CLCA1: variants seen among roughly 807,000 people sequenced by gnomAD.
CLCA1 encodes calcium-activated chloride channel regulator 1.
Under a neutral mutation model 85.6 loss-of-function variants are expected in CLCA1, and 59 were observed. That is an observed-to-expected ratio of 0.69 (90% CI 0.56 to 0.86). CLCA1 has a LOEUF of 0.86. Ranked by LOEUF, CLCA1 falls within the 40% of genes least tolerant of loss-of-function variation. The probability of loss-of-function intolerance (pLI) is 0.00; values close to 1 mark genes in which losing one functional copy is unlikely to be tolerated. For missense variants in CLCA1, 1,022 were observed against 1,101.4 expected, an observed-to-expected ratio of 0.93 and a Z score of 1.02; for synonymous variants, 396 against 398.3, an observed-to-expected ratio of 0.99 and a Z score of 0.07.
At chr1:86,495,430 A>G in intron 11 of CLCA1, 75 bp from the exon 12 acceptor site, 1 of 1,214,744 alleles carries the variant, frequency 8.2e-7, no homozygotes, top group South Asian at 1.5e-5. Flanking sequence ...GAAAATTCAT[A>G]GCCTACATAT....
Position 86,486,605 on chromosome 1 carries a change from G to C in CLCA1, c.1034G>C (p.Gly345Ala). ...LQTVELGSWV[G>A]MVTFDSAAHV... ...ACAGTTGAGCTGGGGTCCTGGGTTG[G>C]GATGGTGACATTTGACAGTGCTGCC... is the stretch of plus-strand genomic sequence containing the variant. The change falls in exon 7 of 14, where the codon GGG (glycine) becomes GCG (alanine). Residue 345 changes from glycine (G) to alanine (A), a missense_variant. By Grantham distance (60) the Gly-to-Ala change is moderately conservative. Transcript: ENST00000394711. 6.2e-7 allele frequency: 1 copy of C among 1,614,166 alleles called. No individual in the cohort carries two copies. The highest frequency in any genetic ancestry group is 8.5e-7 in the Non-Finnish European group (1 of 1,180,032).
At chr1:86,497,025 G>C (rs995144516) in intron 12 of CLCA1, among the ~76,000 whole-genome samples, 12 of 152,248 alleles carry the variant, frequency 7.9e-5, no homozygotes, top group African/African-American at 2.9e-4. Flanking sequence ...ACCGTGCCCA[G>C]CCCATGCCAC....
intron 4 of CLCA1, among the ~76,000 whole-genome samples, chr1:86,480,076 GAA>G (rs1315388278): frequency 4.6e-5 from 7 of 152,144 alleles, no homozygotes; most frequent in Non-Finnish European, 1.0e-4. Flanking sequence ...ATAAAAAGCA[GAA>G]TGATAATGAA....
Position 86,485,538 on chromosome 1 carries a change from CT to C in CLCA1, c.933del (p.Asp312ThrfsTer15). On this transcript the variant is annotated frameshift_variant, in exon 6 of 14. Transcript: ENST00000394711. LOFTEE classifies it high-confidence loss of function. ...QIGQRIVCLV[L>X]DKSGSMATGN... ...TGGACAAAGAATTGTGTGTTTAGTC[CT>C]TGACAAATCTGGAAGCATGGCGGTA... 6.2e-7 allele frequency: 1 copy of C among 1,614,106 alleles called. No individual in the cohort carries two copies. Among genetic ancestry groups the C allele is most frequent in the Non-Finnish European group, 8.5e-7 (1 of 1,179,990 alleles).
chr1:86,495,963 C>G (rs1648271700), intron 12 of CLCA1, among the ~76,000 whole-genome samples: 2 of 152,320 alleles, frequency 1.3e-5, no homozygotes, highest in South Asian at 4.1e-4. Context: ...GGGGGGCAAA[C>G]TAGCCTCCAG....
At chr1:86,490,460 T>G (rs1648105097) in intron 8 of CLCA1, among the ~76,000 whole-genome samples, 1 of 152,208 alleles carries the variant, frequency 6.6e-6, no homozygotes, top group Non-Finnish European at 1.5e-5. Flanking sequence ...TATAATATAC[T>G]ATTCTGTAAG....
intron 5 of CLCA1, 25 bp from the exon 6 acceptor site, chr1:86,485,318 T>C: frequency 6.5e-7 from 1 of 1,527,878 alleles, no homozygotes; most frequent in Non-Finnish European, 9.1e-7. Context: ...TACCATTATC[T>C]ATATAATTTC....
At chr1:86,487,485 G>C (rs1648015014) in intron 7 of CLCA1, among the ~76,000 whole-genome samples, 1 of 152,172 alleles carries the variant, frequency 6.6e-6, no homozygotes, top group East Asian at 1.9e-4. Context: ...TCTGGGTGTG[G>C]GGTGGGAGAA....
At position 86,492,911 on chromosome 1, in the gene CLCA1, C is replaced by T. The variant is rs5744397; in HGVS notation, c.1465-473C>T. 3.8e-3 allele frequency among the ~76,000 whole-genome samples: 579 copies of T among 152,110 alleles called. 6 individuals are homozygous for T. Among genetic ancestry groups the T allele is most frequent in the African/African-American group, 0.013 (552 of 41,472 alleles). On this transcript the variant is annotated intron_variant, in intron 9 of 13. Coordinates refer to ENST00000394711, the MANE Select transcript of CLCA1 (RefSeq NM_001285.4). ...GGGCGAAGCACAATATGATGAATGT[C>T]GAAGGATTGATAGAAATAAAATCCT...
chr1:86,477,842 A>G (rs1647712110), intron 4 of CLCA1, among the ~76,000 whole-genome samples: 1 of 152,242 alleles, frequency 6.6e-6, no homozygotes, highest in Non-Finnish European at 1.5e-5. Flanking sequence ...TCCTGCATTT[A>G]AAAACAACAC....
intron 11 of CLCA1, 145 bp from the exon 12 acceptor site, chr1:86,495,360 C>A: frequency 1.6e-6 from 1 of 616,436 alleles, no homozygotes; most frequent in South Asian, 2.2e-5. Context: ...GTAAGCCTTA[C>A]CCTCAACACA....
intron 8 of CLCA1, among the ~76,000 whole-genome samples, chr1:86,489,631 A>C (rs1170945781): frequency 1.3e-5 from 2 of 152,242 alleles, no homozygotes; most frequent in African/African-American, 4.8e-5. Flanking sequence ...AGCAAAGGGC[A>C]TGTTAAACAA....
rs1247550852 is a variant in CLCA1, at chr1:86,494,428, A to T, written c.1922A>T (p.Glu641Val). Reference sequence around the variant, plus strand: ...GTGAATGGAAAAACAGTTACCTTGGAACTACTGGATAATGGAGCAGGTAAT... The same window carrying T: ...GTGAATGGAAAAACAGTTACCTTGGTACTACTGGATAATGGAGCAGGTAAT... Reference protein sequence around the residue: ...ESVNGKTVTLELLDNGAGADA... With the variant: ...ESVNGKTVTLVLLDNGAGADA... Residue 641 changes from glutamate to valine, a missense_variant, in exon 11 of 14, where the codon GAA becomes GTA. Transcript: ENST00000394711. 6.2e-7 allele frequency: 1 copy of T among 1,614,096 alleles called. No individual in the cohort carries two copies. Among genetic ancestry groups the T allele is most frequent in the Non-Finnish European group, 8.5e-7 (1 of 1,180,014 alleles).
intron 5 of CLCA1, among the ~76,000 whole-genome samples, chr1:86,483,946 G>A (rs1570284091): frequency 6.6e-6 from 1 of 152,266 alleles, no homozygotes; most frequent in Non-Finnish European, 1.5e-5. Flanking sequence ...CATCATGGTG[G>A]AAGGCGAAGG....
At chr1:86,470,239 G>A (rs1647464653) in intron 1 of CLCA1, among the ~76,000 whole-genome samples, 1 of 152,164 alleles carries the variant, frequency 6.6e-6, no homozygotes, top group African/African-American at 2.4e-5. Flanking sequence ...TGCAGCAGTA[G>A]GGGATAGGGA....
rs541507952 is a variant in CLCA1, at chr1:86,493,443, G to A, written c.1524G>A (p.Val508=). ...NSQWMNGTVI[V]DSTVGKDTLF... ...AGTGGATGAATGGCACAGTGATCGT[G>A]GACAGCACCGTGGGAAAGGACACTT... The change falls in exon 10 of 14, where the codon GTG becomes GTA. Residue 508 remains valine (V), a synonymous_variant. Coordinates refer to ENST00000394711, the MANE Select transcript of CLCA1 (RefSeq NM_001285.4). 3.7e-6 allele frequency: 6 copies of A among 1,614,042 alleles called. No homozygotes were observed. The South Asian group carries it at 6.6e-5, about 18-fold the overall frequency.
intron 4 of CLCA1, among the ~76,000 whole-genome samples, chr1:86,480,006 T>C (rs5744342): frequency 0.016 from 2,479 of 152,334 alleles, 70 homozygotes; most frequent in African/African-American, 0.056. Flanking sequence ...ATAGACAATT[T>C]TTTAACTGTG....
chr1:86,478,189 G>A (rs1217579896), intron 4 of CLCA1, among the ~76,000 whole-genome samples: 2 of 152,104 alleles, frequency 1.3e-5, no homozygotes, highest in Non-Finnish European at 2.9e-5. Flanking sequence ...AGTACTTTGG[G>A]AGGCCGAGGC....
chr1:86,476,559 T>C lies in CLCA1; in HGVS notation c.557+6T>C. The C allele has an allele frequency of 7.2e-7, 1 of 1,380,930 alleles. No homozygotes were observed. Among genetic ancestry groups the C allele is most frequent in the African/African-American group, 1.4e-5 (1 of 70,304 alleles). The allele number at this position is 1,380,930 out of a possible 1,614,324, so 85.5% of individuals were successfully genotyped here. A position where few individuals can be genotyped will look rare whatever the true frequency, so the allele number is the denominator to read the frequency against. On this transcript the variant is annotated splice_donor_region_variant and intron_variant, in intron 4 of 13. Transcript: ENST00000394711. ...GGAAGAATACAAGCAGTAAGGTATG[T>C]ATATTTTGATTTAACTTGTTCCAAA...
Sources: gnomAD v4.1 joint callset for allele counts (sites outside exome capture counted in the v4.1 genomes callset) on GRCh38, gnomAD v4.1.1 for gene constraint, MANE v1.5 for transcripts, NCBI Gene and HGNC (gene_info 2026-07-23, HGNC 2026-07-21) for gene names.